The following HIP1 variants were observed in gnomAD, a reference collection of about 807,000 sequenced individuals.
HIP1 encodes the protein huntingtin-interacting protein 1.
A neutral mutation model predicts 147.6 loss-of-function variants in HIP1; 65 were observed. That is an observed-to-expected ratio of 0.44 (90% CI 0.36 to 0.54). HIP1 has a LOEUF of 0.54. Ranked by LOEUF, HIP1 falls within the 20% of genes least tolerant of loss-of-function variation. The pLI is 0.00. For synonymous variants in HIP1, 479 were observed against 504.0 expected, an observed-to-expected ratio of 0.95 and a Z score of 0.67; for missense variants, 1,061 against 1,299.6, an observed-to-expected ratio of 0.82 and a Z score of 2.82.
Position 75,728,672 on chromosome 7 carries a change from C to T in HIP1, c.120+10129G>A, listed in dbSNP as rs138100066. On this transcript the variant is annotated intron_variant, in intron 1 of 30. Coordinates refer to ENST00000336926, the MANE Select transcript of HIP1 (RefSeq NM_005338.7). ...TCTGATCTCCTGGGCCATAGGGACA[C>T]GCCCCATCCTTCTTAACGTGCAGCA... 2.2e-3 allele frequency among the ~76,000 whole-genome samples: 335 copies of T among 151,684 alleles called. 3 individuals are homozygous for T. The highest frequency in any genetic ancestry group is 1.5e-3 in the Non-Finnish European group (104 of 67,750).
intron 1 of HIP1, among the ~76,000 whole-genome samples, chr7:75,637,505 C>A (rs1287335902): frequency 4.4e-5 from 6 of 135,366 alleles, no homozygotes; most frequent in African/African-American, 1.4e-4. Context: ...GCTTAGTTTT[C>A]TACATCTCCA....
At chr7:75,545,238 T>C (rs782624813) in intron 25 of HIP1, 50 bp from the exon 26 acceptor site, 9 of 1,053,354 alleles carry the variant, frequency 8.5e-6, no homozygotes, top group South Asian at 3.9e-5. Flanking sequence ...GCATGTACTA[T>C]ATGGCAGGTG....
chr7:75,656,763 C>G (rs1196136375), intron 1 of HIP1, among the ~76,000 whole-genome samples: 1 of 152,186 alleles, frequency 6.6e-6, no homozygotes, highest in Non-Finnish European at 1.5e-5. Flanking sequence ...AGGCGTGAGC[C>G]ACTGCGCCTG....
intron 1 of HIP1, among the ~76,000 whole-genome samples, chr7:75,607,551 A>AG (rs1797276832): frequency 7.1e-6 from 1 of 140,960 alleles, no homozygotes; most frequent in African/African-American, 2.9e-5. Context: ...AAAAAAAAAA[A>AG]ATTTGTCAAG....
chr7:75,600,995 T>G (rs1314209846), intron 1 of HIP1, among the ~76,000 whole-genome samples: 1 of 152,004 alleles, frequency 6.6e-6, no homozygotes, highest in Non-Finnish European at 1.5e-5. Context: ...TGGCTTCAAG[T>G]GATCCTCCCA....
chr7:75,687,024 C>T (rs1258933434), intron 1 of HIP1, among the ~76,000 whole-genome samples: 1 of 151,952 alleles, frequency 6.6e-6, no homozygotes, highest in African/African-American at 2.4e-5. Flanking sequence ...AATTTGTTTT[C>T]TTTATCGAGC....
rs1036036528 is a variant in HIP1 at position 75,738,740 on chromosome 7, C to T, written c.120+61G>A. The T allele has an allele frequency of 2.4e-5, 38 of 1,561,478 alleles. No individual in the cohort carries two copies. The South Asian group carries it at 4.2e-4, about 17-fold the overall frequency. On this transcript the variant is annotated intron_variant, in intron 1 of 30. Coordinates refer to ENST00000336926, the MANE Select transcript of HIP1 (RefSeq NM_005338.7). ...CAAGACTCCTACTCCCTTCAAAGCC[C>T]CTCCCGGACACCGCGTCCCTCAGGG...
chr7:75,566,863 G>T (rs794357), intron 9 of HIP1, among the ~76,000 whole-genome samples: 104,969 of 150,886 alleles, frequency 0.7, 37,220 homozygotes, highest in Middle Eastern at 0.76. Context: ...GACTCGCGCC[G>T]GTAATCCCAT....
intron 3 of HIP1, 116 bp from the exon 4 acceptor site, chr7:75,592,228 G>A: frequency 7.3e-7 from 1 of 1,369,216 alleles, no homozygotes; most frequent in South Asian, 1.2e-5. Context: ...TGATGGGAGG[G>A]AGACTCACCC....
At chr7:75,598,467 A>G (rs1315117702) in intron 2 of HIP1, among the ~76,000 whole-genome samples, 1 of 150,370 alleles carries the variant, frequency 6.7e-6, no homozygotes, top group Non-Finnish European at 1.5e-5. Flanking sequence ...GGAGATAACT[A>G]TTGATTATGC....
At position 75,650,804 on chromosome 7, in the gene HIP1, G is replaced by A. The variant is rs78940299; in HGVS notation, c.121-51557C>T. 9.5e-3 allele frequency among the ~76,000 whole-genome samples: 1,452 copies of A among 152,238 alleles called. 23 individuals are homozygous for A. Among genetic ancestry groups the A allele is most frequent in the African/African-American group, 0.032 (1,339 of 41,528 alleles). On this transcript the variant is annotated intron_variant, in intron 1 of 30. Coordinates refer to ENST00000336926, the MANE Select transcript of HIP1 (RefSeq NM_005338.7). ...GGGCAGGAAGTACCAGCTCAGAGTC[G>A]CCTGTAGTGGCTCAGAGCTGGTGTC...
At chr7:75,670,127 A>G (rs1051216779) in intron 1 of HIP1, among the ~76,000 whole-genome samples, 3 of 150,638 alleles carry the variant, frequency 2.0e-5, no homozygotes, top group Non-Finnish European at 4.4e-5. Flanking sequence ...GTGATAAAAT[A>G]TACATAAAAT....
chr7:75,558,112 T>A (rs1795086827), intron 15 of HIP1, 55 bp downstream of exon 15: 3 of 1,453,366 alleles, frequency 2.1e-6, no homozygotes, highest in Non-Finnish European at 2.9e-6. Flanking sequence ...CCTGAGCCGC[T>A]CTCTCCCTAG....
intron 1 of HIP1, among the ~76,000 whole-genome samples, chr7:75,734,782 CTTTA>C (rs1554523458): frequency 6.6e-6 from 1 of 152,176 alleles, no homozygotes; most frequent in East Asian, 1.9e-4. Flanking sequence ...CTAGATGTCT[CTTTA>C]TTTATGTTCT....
At position 75,720,152 on chromosome 7, in the gene HIP1, TTTTG is replaced by T. The variant is rs376148572; in HGVS notation, c.120+18645_120+18648del. Among the ~76,000 whole-genome samples the T allele has an allele frequency of 7.2e-3, 1,094 of 152,024 alleles. 20 individuals are homozygous for T. Among genetic ancestry groups the T allele is most frequent in the African/African-American group, 0.024 (983 of 41,456 alleles). ...TTTCAAGTTTTTTGTTTTGTTTTGTTTTTGTTTGTTTGTTTGTTTGTTTTTTGAA... is the reference window on the plus strand; with the variant it reads ...TTTCAAGTTTTTTGTTTTGTTTTGTTTTTGTTTGTTTGTTTGTTTTTTGAA... On this transcript the variant is annotated intron_variant, in intron 1 of 30. Transcript: ENST00000336926.
At position 75,580,682 on chromosome 7, in the gene HIP1, G is replaced by A. The variant is rs587649878; in HGVS notation, c.604+555C>T. ...TTGAGCCTAGTAGTTTGAGGTTGCA[G>A]TGAGCCGTAACATGCCACTGCAATC... On this transcript the variant is annotated intron_variant, in intron 7 of 30. Coordinates refer to ENST00000336926, the MANE Select transcript of HIP1 (RefSeq NM_005338.7). Among the ~76,000 whole-genome samples, 5 of 152,224 alleles carry A rather than the reference G, an allele frequency of 3.3e-5. No homozygotes were observed. In the East Asian group the frequency reaches 9.7e-4, roughly 30 times the overall value.
rs1799423677 is a variant in HIP1, at chr7:75,664,015, TACACATATATGTGTATATATATAC to T, written c.121-64792_121-64769del. On this transcript the variant is annotated intron_variant, in intron 1 of 30. Transcript: ENST00000336926. ...ATATACACATATATGTGTATATATA[TACACATATATGTGTATATATATAC>T]ACATATATGTGTATATACACATATA... Among the ~76,000 whole-genome samples the T allele has an allele frequency of 5.4e-4, 13 of 23,954 alleles. 2 individuals are homozygous for T. Among genetic ancestry groups the T allele is most frequent in the Admixed American group, 3.0e-3 (6 of 2,006 alleles). The allele number at this position is 23,954 out of a possible 152,430, so 15.7% of individuals were successfully genotyped here. A position where few individuals can be genotyped will look rare whatever the true frequency, so the allele number is the denominator to read the frequency against.
chr7:75,701,900 T>A (rs904564656), intron 1 of HIP1, among the ~76,000 whole-genome samples: 1 of 152,086 alleles, frequency 6.6e-6, no homozygotes, highest in South Asian at 2.1e-4. Flanking sequence ...CTGCCAGGTA[T>A]GGCTGTCCTC....
rs1799411443 is a variant in HIP1 at position 75,663,984 on chromosome 7, GTATATATATA to G, written c.121-64747_121-64738del. On this transcript the variant is annotated intron_variant, in intron 1 of 30. Transcript: ENST00000336926. ...TGTATATATATATACACATATATGT[GTATATATATA>G]CACATATATGTGTATATATATACAC... Among the ~76,000 whole-genome samples the G allele has an allele frequency of 6.4e-4, 5 of 7,782 alleles. 2 individuals are homozygous for G. The highest frequency in any genetic ancestry group is 1.2e-3 in the Non-Finnish European group (5 of 4,028). 5.1% of individuals were successfully genotyped at this position (7,782 alleles called of 152,430 possible).
Sources: allele counts gnomAD v4.1 joint callset (sites outside exome capture counted in the v4.1 genomes callset), GRCh38; gene constraint gnomAD v4.1.1; transcripts MANE v1.5; gene names NCBI Gene and HGNC (gene_info 2026-07-23, HGNC 2026-07-21).